Variants in MCM10 observed in about 807,000 individuals in gnomAD.
MCM10 encodes minichromosome maintenance 10 replication initiation factor.
MCM10 carries 91 observed loss-of-function variants against 109.9 expected under a neutral mutation model. That is an observed-to-expected ratio of 0.83 (90% CI 0.70 to 0.99). MCM10 has a LOEUF of 0.99. Among genes scored for constraint, MCM10 ranks in the 50% least tolerant of loss-of-function variants. MCM10 has a pLI of 0.00. For synonymous variants in MCM10, 380 were observed against 387.2 expected, an observed-to-expected ratio of 0.98 and a Z score of 0.22; for missense variants, 1,077 against 1,061.2, an observed-to-expected ratio of 1.01 and a Z score of -0.21.
chr10:13,201,572 T>G, intron 17 of MCM10, 38 bp downstream of exon 17: 30 of 1,376,242 alleles, frequency 2.2e-5, no homozygotes, highest in Non-Finnish European at 2.7e-5. Context: ...CCATGGGCCC[T>G]GTGTGGTGCT....
intron 9 of MCM10, among the ~76,000 whole-genome samples, chr10:13,186,997 A>G (rs1352974267): frequency 1.3e-5 from 2 of 152,208 alleles, no homozygotes; most frequent in African/African-American, 4.8e-5. Flanking sequence ...GTCTCCAAAA[A>G]AGAATATAAA....
chr10:13,186,224 G>A lies in MCM10; in HGVS notation c.1159G>A (p.Gly387Arg). Residue 387 changes from glycine to arginine, a missense_variant, in exon 9 of 20, where the codon GGA (glycine) becomes AGA (arginine). By Grantham distance (125) the Gly-to-Arg change is moderately radical. Transcript: ENST00000378714. ...VLIMGEALDLGTCKAKKKNGE... is the reference protein window; with the variant it reads ...VLIMGEALDLRTCKAKKKNGE... ...AATTATGGGTGAAGCTCTTGACCTG[G>A]GAACCTGTAAAGCCAAGAAGAAGAA... 3 of 1,613,356 alleles carry A rather than the reference G, an allele frequency of 1.9e-6. No homozygotes were observed. Among genetic ancestry groups the A allele is most frequent in the Non-Finnish European group, 2.5e-6 (3 of 1,179,544 alleles).
chr10:13,198,630 G>C, intron 15 of MCM10, 59 bp from the exon 16 acceptor site: 1 of 1,093,680 alleles, frequency 9.1e-7, no homozygotes, highest in South Asian at 1.2e-5. Context: ...GAGTTGATGA[G>C]GCGCACTGGC....
At chr10:13,196,887 A>T (rs1225684834) in intron 14 of MCM10, among the ~76,000 whole-genome samples, 1 of 152,058 alleles carries the variant, frequency 6.6e-6, no homozygotes, top group African/African-American at 2.4e-5. Flanking sequence ...CATGACCTTC[A>T]AAGGTAGGTC....
chr10:13,166,616 C>T (rs1478775695), intron 2 of MCM10, among the ~76,000 whole-genome samples: 1 of 96,118 alleles, frequency 1.0e-5, no homozygotes, highest in African/African-American at 4.1e-5. Context: ...GCCTGGGCAA[C>T]AAGAGCAAAA....
At chr10:13,205,807 GCTGA>G (rs1305183725) in intron 18 of MCM10, among the ~76,000 whole-genome samples, 7 of 152,202 alleles carry the variant, frequency 4.6e-5, no homozygotes, top group Non-Finnish European at 1.0e-4. Context: ...GGTGTGGTAG[GCTGA>G]CTGTGTGTGT....
chr10:13,180,658 GA>G, intron 7 of MCM10, 51 bp downstream of exon 7: 4 of 1,591,460 alleles, frequency 2.5e-6, no homozygotes, highest in Non-Finnish European at 3.4e-6. Context: ...CTGACAGTGG[GA>G]ATTCGATGTC....
chr10:13,184,646 G>A (rs1834251415), intron 8 of MCM10, among the ~76,000 whole-genome samples: 1 of 152,194 alleles, frequency 6.6e-6, no homozygotes, highest in Non-Finnish European at 1.5e-5. Flanking sequence ...GTGTTTGGCT[G>A]CAAGTAACAA....
intron 17 of MCM10, among the ~76,000 whole-genome samples, chr10:13,203,520 T>C (rs560493888): frequency 6.6e-6 from 1 of 152,242 alleles, no homozygotes; most frequent in South Asian, 2.1e-4. Context: ...TGTGCACGTT[T>C]TTTAGAGGGC....
chr10:13,199,908 A>G (rs144326425), intron 16 of MCM10, among the ~76,000 whole-genome samples: 181 of 152,064 alleles, frequency 1.2e-3, no homozygotes, highest in African/African-American at 4.2e-3. Flanking sequence ...CTGGTCTTGA[A>G]CTCCTGGGCT....
chr10:13,188,899 C>A lies in MCM10; in HGVS notation c.1234C>A (p.Gln412Lys). The change falls in exon 10 of 20, where the codon CAG (glutamine) becomes AAG (lysine). Residue 412 changes from glutamine (Q) to lysine (K), a missense_variant. Gln to Lys is a moderately conservative substitution (Grantham distance 53). Transcript: ENST00000378714. ...TTTGCAGCGTGACTGTGAGTACTGT[C>A]AGTACCATGTCCAGGCTCAGTACAA... The part of the protein sequence containing the change: ...TVNLRDCEYC[Q>K]YHVQAQYKKL... 1.2e-6 allele frequency: 2 copies of A among 1,614,114 alleles called. No individual in the cohort carries two copies. Among genetic ancestry groups the A allele is most frequent in the South Asian group, 2.2e-5 (2 of 91,072 alleles).
Position 13,210,324 on chromosome 10 carries a change from A to AAG in MCM10, c.*1015_*1016insGA, listed in dbSNP as rs1488076489. The AAG allele has an allele frequency of 6.6e-6, 1 of 152,018 alleles. No homozygotes were observed. The highest frequency in any genetic ancestry group is 1.5e-5 in the Non-Finnish European group (1 of 67,994). 9.4% of individuals were successfully genotyped at this position (152,018 alleles called of 1,614,324 possible). A position where few individuals can be genotyped will look rare whatever the true frequency, so the allele number is the denominator to read the frequency against. On this transcript the variant is annotated 3_prime_UTR_variant, in exon 20 of 20. Transcript: ENST00000378714. ...CCCACCTCTGTTTCCAAAAAAAAAA[A>AAG]AAAAATGAAAGGTCAACCCCTATGC...
At chr10:13,196,123 G>T (rs2131583145) in intron 14 of MCM10, among the ~76,000 whole-genome samples, 1 of 152,110 alleles carries the variant, frequency 6.6e-6, no homozygotes, top group East Asian at 1.9e-4. Context: ...TGCCCAAGCT[G>T]GTCTTGCACT....
In MCM10 at chr10:13,209,327, T is replaced by A; in HGVS notation, c.*17T>A. Reference sequence around the variant, plus strand: ...CTTAAATAACCCGAACTTCAGACATTTTCCCACAGACTTCCTGGCCTCCTG... The same window carrying A: ...CTTAAATAACCCGAACTTCAGACATATTCCCACAGACTTCCTGGCCTCCTG... On this transcript the variant is annotated 3_prime_UTR_variant, in exon 20 of 20. Transcript: ENST00000378714. 1 of 1,602,154 alleles carries A rather than the reference T, an allele frequency of 6.2e-7. No homozygotes were observed. Among genetic ancestry groups the A allele is most frequent in the Non-Finnish European group, 8.5e-7 (1 of 1,170,452 alleles).
At chr10:13,194,918 T>C (rs1241190671) in intron 13 of MCM10, 123 bp from the exon 14 acceptor site, 1 of 729,274 alleles carries the variant, frequency 1.4e-6, no homozygotes, top group Non-Finnish European at 2.2e-6. Context: ...GAAGGGGACA[T>C]TATTTTGCTA....
At chr10:13,170,545 G>A (rs1834056547) in intron 2 of MCM10, among the ~76,000 whole-genome samples, 1 of 152,116 alleles carries the variant, frequency 6.6e-6, no homozygotes, top group Admixed American at 6.6e-5. Context: ...CCCGTGGCTG[G>A]CCCACTCTAC....
intron 17 of MCM10, 76 bp downstream of exon 17, chr10:13,201,610 C>A: frequency 9.3e-7 from 1 of 1,071,248 alleles, no homozygotes; most frequent in Non-Finnish European, 1.4e-6. Flanking sequence ...TGTGGAGAAC[C>A]TGTGGGATCT....
intron 10 of MCM10, among the ~76,000 whole-genome samples, chr10:13,190,729 C>A (rs1192197248): frequency 6.6e-6 from 1 of 151,752 alleles, no homozygotes; most frequent in Admixed American, 6.6e-5. Flanking sequence ...ATATATACTC[C>A]TAGGTGTTGT....
chr10:13,191,427 C>T (rs1834345541), intron 11 of MCM10, 28 bp downstream of exon 11: 3 of 1,578,392 alleles, frequency 1.9e-6, no homozygotes, highest in Admixed American at 3.3e-5. Context: ...TAAGAAATTT[C>T]TTTCTCCAGT....
Sources: allele counts gnomAD v4.1 joint callset (sites outside exome capture counted in the v4.1 genomes callset), GRCh38; gene constraint gnomAD v4.1.1; transcripts MANE v1.5; gene names NCBI Gene and HGNC (gene_info 2026-07-23, HGNC 2026-07-21).